ASPM: variants seen among roughly 807,000 people sequenced by gnomAD.
ASPM encodes the protein abnormal spindle-like microcephaly-associated protein.
Under a neutral mutation model 366.4 loss-of-function variants are expected in ASPM, and 256 were observed. The ratio of observed to expected loss-of-function variants is 0.70; its 90% CI spans 0.63 to 0.77. ASPM has a LOEUF of 0.77. ASPM is among the 30% of genes least tolerant of loss of function. ASPM has a pLI of 0.00. For synonymous variants in ASPM, 1,414 were observed against 1,342.9 expected (o/e 1.05, Z -1.16); for missense variants, 4,146 against 4,090.4 (o/e 1.01, Z -0.37).
In ASPM at chr1:197,102,331, TGTAA is replaced by T. The variant is rs1064795945; in HGVS notation, c.6916_6919del (p.Leu2306SerfsTer20). On this transcript the variant is annotated frameshift_variant, in exon 18 of 28. Transcript: ENST00000367409. LOFTEE classifies it high-confidence loss of function. ...AACTGCATTTTGTACCTGAAGGAAC[TGTAA>T]GTGATGCTTTGTACAAAGATGTGCC... The T allele has an allele frequency of 1.2e-6, 2 of 1,612,700 alleles. No homozygotes were observed. The highest frequency in any genetic ancestry group is 1.7e-6 in the Non-Finnish European group (2 of 1,179,194).
intron 27 of ASPM, among the ~76,000 whole-genome samples, chr1:197,084,727 CT>C (rs1656533874): frequency 1.3e-5 from 2 of 152,142 alleles, no homozygotes; most frequent in South Asian, 4.1e-4. Flanking sequence ...GGTTCTTGTT[CT>C]CCTCTTACCT....
At chr1:197,127,405 A>T (rs915219445) in intron 10 of ASPM, among the ~76,000 whole-genome samples, 1 of 152,206 alleles carries the variant, frequency 6.6e-6, no homozygotes, top group Non-Finnish European at 1.5e-5. Context: ...TGTGCTCCCC[A>T]TACGTCAACA....
chr1:197,090,737 C>T, intron 23 of ASPM, 113 bp downstream of exon 23: 1 of 964,314 alleles, frequency 1.0e-6, no homozygotes, highest in Non-Finnish European at 1.6e-6. Flanking sequence ...AGTTATTCTA[C>T]CGGCTAATGC....
At position 197,124,913 on chromosome 1, in the gene ASPM, T is replaced by C. The variant is rs1658038936; in HGVS notation, c.3125A>G (p.Glu1042Gly). The change falls in exon 12 of 28, where the codon GAA becomes GGA. Residue 1042 changes from glutamate (E) to glycine (G), a missense_variant. By Grantham distance (98) the Glu-to-Gly change is moderately conservative (BLOSUM62 -2). This residue lies in a region of ASPM where 3,624 missense variants were observed against 3,591.7 expected (regional missense o/e 1.01). Coordinates refer to ENST00000367409, the MANE Select transcript of ASPM (RefSeq NM_018136.5). ...LSKDIVDRHR[E>G]KTLRLLWKIA... ...TTTCCAAAGCAACCTGAGAGTTTTTTCTCTGTGCCTATCCACAATATCCTT... is the reference window on the plus strand; with the variant it reads ...TTTCCAAAGCAACCTGAGAGTTTTTCCTCTGTGCCTATCCACAATATCCTT... The C allele has an allele frequency of 1.2e-6, 2 of 1,612,142 alleles. No individual in the cohort carries two copies. The highest frequency in any genetic ancestry group is 1.7e-5 in the Admixed American group (1 of 59,998).
Position 197,102,257 on chromosome 1 carries a change from G to T in ASPM, c.6994C>A (p.Arg2332=). 1 of 1,612,642 alleles carries T rather than the reference G, an allele frequency of 6.2e-7. No homozygotes were observed. The highest frequency in any genetic ancestry group is 8.5e-7 in the Non-Finnish European group (1 of 1,179,246). The change falls in exon 18 of 28, where the codon CGA becomes AGA. Residue 2332 remains arginine (R), a synonymous_variant. Coordinates refer to ENST00000367409, the MANE Select transcript of ASPM (RefSeq NM_018136.5). ...YRRWMIRKRM[R]EMHRAATFIQ... Reference sequence around the variant, plus strand: ...AAAGTAGCAGCCCTGTGCATCTCTCGCATCCTTTTCCTTATCATCCATCTT... The same window carrying T: ...AAAGTAGCAGCCCTGTGCATCTCTCTCATCCTTTTCCTTATCATCCATCTT...
rs573386202 is a variant in ASPM, at chr1:197,096,209, T to C, written c.8821-45A>G. The C allele has an allele frequency of 1.2e-5, 18 of 1,492,512 alleles. No homozygotes were observed. The East Asian group carries it at 2.3e-4, about 19-fold the overall frequency. 92.5% of individuals were successfully genotyped at this position (1,492,512 alleles called of 1,614,324 possible). A position where few individuals can be genotyped will look rare whatever the true frequency, so the allele number is the denominator to read the frequency against. On this transcript the variant is annotated intron_variant, in intron 18 of 27. Transcript: ENST00000367409. ...AACAAGTATGCAATGAGTTGTCTCT[T>C]TTTTTTTGTAAATAAGACAAATCAG...
At chr1:197,132,575 A>G (rs1658293471) in intron 6 of ASPM, among the ~76,000 whole-genome samples, 1 of 152,060 alleles carries the variant, frequency 6.6e-6, no homozygotes, top group African/African-American at 2.4e-5. Context: ...TTTGAAATAC[A>G]AAATCTCTTG....
At position 197,117,858 on chromosome 1, in the gene ASPM, C is replaced by T. The variant is rs971266236; in HGVS notation, c.3996G>A (p.Gln1332=). The T allele has an allele frequency of 4.3e-6, 7 of 1,612,212 alleles. No homozygotes were observed. The highest frequency in any genetic ancestry group is 5.9e-6 in the Non-Finnish European group (7 of 1,179,328). The change falls in exon 17 of 28, where the codon CAG becomes CAA. Residue 1332 remains glutamine (Q), a synonymous_variant. Transcript: ENST00000367409. Reference sequence around the variant, plus strand: ...CCTTTTTTAACATTAATAATTTTCTCTGTGCTAAGACTCTTCGCCAATATT... The same window carrying T: ...CCTTTTTTAACATTAATAATTTTCTTTGTGCTAAGACTCTTCGCCAATATT... ...IQKYWRRVLA[Q]RKLLMLKKEK...
intron 7 of ASPM, among the ~76,000 whole-genome samples, chr1:197,130,449 C>T (rs1287825145): frequency 6.6e-6 from 1 of 152,068 alleles, no homozygotes; most frequent in Non-Finnish European, 1.5e-5. Context: ...TGATAGTTAT[C>T]AATGTAGAAA....
intron 1 of ASPM, among the ~76,000 whole-genome samples, chr1:197,144,537 T>A (rs1474437701): frequency 6.6e-6 from 1 of 152,200 alleles, no homozygotes; most frequent in African/African-American, 2.4e-5. Flanking sequence ...AAGGTCCACA[T>A]CATCATACTG....
At chr1:197,086,016 A>G (rs942240810) in intron 27 of ASPM, among the ~76,000 whole-genome samples, 2 of 152,210 alleles carry the variant, frequency 1.3e-5, no homozygotes, top group South Asian at 4.1e-4. Flanking sequence ...AAAAACATGT[A>G]GAAATGGTCC....
intron 10 of ASPM, among the ~76,000 whole-genome samples, chr1:197,127,469 C>A (rs1658125732): frequency 6.6e-6 from 1 of 152,262 alleles, no homozygotes; most frequent in East Asian, 1.9e-4. Flanking sequence ...GAGAAAAAAA[C>A]TTTCATTGCT....
chr1:197,118,010 A>C, intron 16 of ASPM, 27 bp from the exon 17 acceptor site: 1 of 1,582,014 alleles, frequency 6.3e-7, no homozygotes, highest in Non-Finnish European at 8.7e-7. Flanking sequence ...AGCAAATGTA[A>C]ATTAAACACT....
intron 19 of ASPM, 109 bp downstream of exon 19, chr1:197,095,889 G>A (rs1029127000): frequency 8.0e-6 from 8 of 998,756 alleles, no homozygotes; most frequent in East Asian, 7.9e-5. Context: ...TATAAATTAA[G>A]CATAACAAAT....
At position 197,100,985 on chromosome 1, in the gene ASPM, G is replaced by T. The variant is rs763909256; in HGVS notation, c.8266C>A (p.Gln2756Lys). Residue 2756 changes from glutamine to lysine, a missense_variant, in exon 18 of 28, where the codon CAA becomes AAA. By Grantham distance (53) the Gln-to-Lys change is moderately conservative (BLOSUM62 1). Around this residue, in one of 3 missense-constraint regions of ASPM, gnomAD observed 3,624 missense variants for 3,591.7 expected, o/e 1.01. Transcript: ENST00000367409. Reference protein sequence around the residue: ...QAAFRGMKVRQKLKNVSEEKM... With the variant: ...QAAFRGMKVRKKLKNVSEEKM... ...TCCTCTGATACATTTTTCAATTTTT[G>T]TCTAACTTTCATGCCTCTAAAAGCA... 1.2e-5 allele frequency: 20 copies of T among 1,612,204 alleles called. No individual in the cohort carries two copies. Among genetic ancestry groups the T allele is most frequent in the East Asian group, 4.5e-5 (2 of 44,800 alleles).
chr1:197,128,378 T>C, intron 10 of ASPM, 112 bp downstream of exon 10: 1 of 1,066,840 alleles, frequency 9.4e-7, no homozygotes, highest in Non-Finnish European at 1.4e-6. Flanking sequence ...TTTTCAGTAC[T>C]AAATTTATTG....
intron 5 of ASPM, 84 bp from the exon 6 acceptor site, chr1:197,133,679 G>A: frequency 6.7e-7 from 1 of 1,499,786 alleles, no homozygotes. Flanking sequence ...TGCAATTTCA[G>A]ACGGTAAAAA....
intron 7 of ASPM, among the ~76,000 whole-genome samples, chr1:197,130,627 A>G (rs891728546): frequency 6.6e-6 from 1 of 152,214 alleles, no homozygotes; most frequent in African/African-American, 2.4e-5. Context: ...CAAAATATAA[A>G]GATTAAAGCA....
chr1:197,146,192 G>T lies in ASPM; in HGVS notation c.246C>A (p.Phe82Leu). Reference sequence around the variant, plus strand: ...CACTGAAGCCCAGGTCCGCGGCCGGGAAGTGGGAGATCTTCACTTCTGCCA... The same window carrying T: ...CACTGAAGCCCAGGTCCGCGGCCGGTAAGTGGGAGATCTTCACTTCTGCCA... ...EEVAEVKISH[F>L]PAADLGFSVS... Residue 82 changes from phenylalanine to leucine, a missense_variant, in exon 1 of 28, where the codon TTC becomes TTA. Around this residue, in one of 3 missense-constraint regions of ASPM, gnomAD observed 512 missense variants for 471.7 expected, o/e 1.09. Transcript: ENST00000367409. 6.2e-7 allele frequency: 1 copy of T among 1,614,146 alleles called. No homozygotes were observed. The highest frequency in any genetic ancestry group is 1.3e-5 in the African/African-American group (1 of 75,022).
Sources: allele counts gnomAD v4.1 joint callset (sites outside exome capture counted in the v4.1 genomes callset), GRCh38; gene constraint gnomAD v4.1.1; regional missense constraint gnomAD v4.1.1; transcripts MANE v1.5; gene names NCBI Gene and HGNC (gene_info 2026-07-23, HGNC 2026-07-21).